GRM5: variants seen among roughly 807,000 people sequenced by gnomAD.
GRM5 encodes the protein glutamate metabotropic receptor 5.
In GRM5, 19 loss-of-function variants were observed where a neutral mutation model predicts 83.1. That is an observed-to-expected ratio of 0.23 (90% CI 0.16 to 0.34). The LOEUF is 0.34. GRM5 is among the 10% of genes least tolerant of loss of function. The pLI is 1.00. For missense variants in GRM5, 1,160 were observed against 1,588.3 expected, an observed-to-expected ratio of 0.73 and a Z score of 4.58; for synonymous variants, 675 against 633.6, an observed-to-expected ratio of 1.07 and a Z score of -0.98.
intron 2 of GRM5, among the ~76,000 whole-genome samples, chr11:88,887,327 G>A (rs1398185594): frequency 3.3e-5 from 5 of 152,134 alleles, no homozygotes; most frequent in Non-Finnish European, 5.9e-5. Flanking sequence ...AAGGGAAAAC[G>A]CTTTAGTACA....
At chr11:88,547,943 C>A (rs1942421160) in intron 8 of GRM5, among the ~76,000 whole-genome samples, 1 of 152,064 alleles carries the variant, frequency 6.6e-6, no homozygotes, top group Admixed American at 6.6e-5. Flanking sequence ...TATCTCTATG[C>A]CTACCAACTA....
At chr11:88,988,378 G>A (rs1255298788) in intron 2 of GRM5, among the ~76,000 whole-genome samples, 6 of 151,260 alleles carry the variant, frequency 4.0e-5, no homozygotes, top group East Asian at 3.9e-4. Flanking sequence ...CCAAATCTAC[G>A]TCTGATTGGT....
At chr11:88,843,203 C>T (rs1455243330) in intron 3 of GRM5, among the ~76,000 whole-genome samples, 2 of 152,150 alleles carry the variant, frequency 1.3e-5, no homozygotes, top group African/African-American at 4.8e-5. Context: ...TTAATTCTCA[C>T]AATATTTCAA....
intron 2 of GRM5, among the ~76,000 whole-genome samples, chr11:88,898,573 G>A (rs1363410889): frequency 6.6e-6 from 1 of 151,916 alleles, no homozygotes; most frequent in Admixed American, 6.6e-5. Flanking sequence ...AGCAGCTGCT[G>A]TATCACAGGT....
chr11:88,524,304 G>A (rs561656883), intron 9 of GRM5, among the ~76,000 whole-genome samples: 46 of 141,880 alleles, frequency 3.2e-4, no homozygotes, highest in Admixed American at 2.6e-3. Context: ...TGCAACCTCT[G>A]CCTCCTGGGT....
At chr11:88,830,556 C>G (rs1943971080) in intron 3 of GRM5, among the ~76,000 whole-genome samples, 1 of 152,106 alleles carries the variant, frequency 6.6e-6, no homozygotes. Context: ...TGCCAGGAGC[C>G]AGGAGAGACT....
At chr11:89,056,697 A>G (rs1045533125) in intron 1 of GRM5, among the ~76,000 whole-genome samples, 10 of 152,100 alleles carry the variant, frequency 6.6e-5, no homozygotes, top group Non-Finnish European at 1.0e-4. Context: ...TGTAATGATA[A>G]AAAAGCTTTT....
chr11:88,524,414 C>G (rs753271762), intron 9 of GRM5, among the ~76,000 whole-genome samples: 7 of 151,976 alleles, frequency 4.6e-5, no homozygotes, highest in Non-Finnish European at 1.0e-4. Context: ...GACGGGGTTT[C>G]ACCACATTGG....
At chr11:88,915,572 T>C (rs1017024102) in intron 2 of GRM5, among the ~76,000 whole-genome samples, 1 of 62,316 alleles carries the variant, frequency 1.6e-5, no homozygotes, top group African/African-American at 3.1e-5. Context: ...TATTCTCTCA[T>C]TATCTAATCA....
chr11:88,723,707 C>A (rs1371643402), intron 3 of GRM5, among the ~76,000 whole-genome samples: 1 of 151,966 alleles, frequency 6.6e-6, no homozygotes, highest in Non-Finnish European at 1.5e-5. Flanking sequence ...GCAGTGTCAA[C>A]CTTTGTGTAC....
intron 2 of GRM5, among the ~76,000 whole-genome samples, chr11:88,932,953 T>C (rs1347319431): frequency 6.6e-6 from 1 of 151,936 alleles, no homozygotes; most frequent in African/African-American, 2.4e-5. Flanking sequence ...TTGACCCACA[T>C]ATCTCTAAAT....
intron 2 of GRM5, among the ~76,000 whole-genome samples, chr11:89,013,415 A>G (rs543722075): frequency 2.0e-5 from 3 of 152,278 alleles, no homozygotes; most frequent in African/African-American, 7.2e-5. Flanking sequence ...GTACTACTTC[A>G]TTCTCCATGT....
chr11:88,658,882 T>C (rs1019785768), intron 3 of GRM5, among the ~76,000 whole-genome samples: 6 of 152,262 alleles, frequency 3.9e-5, no homozygotes, highest in Admixed American at 2.6e-4. Flanking sequence ...ATCCTAAAGA[T>C]TTCCAACTTT....
intron 8 of GRM5, among the ~76,000 whole-genome samples, 170 bp from the exon 9 acceptor site, chr11:88,525,574 G>A (rs1941853484): frequency 6.6e-6 from 1 of 152,142 alleles, no homozygotes; most frequent in African/African-American, 2.4e-5. Flanking sequence ...GAATGTGATG[G>A]CATATGGACA....
intron 2 of GRM5, among the ~76,000 whole-genome samples, chr11:88,935,461 G>C (rs970728625): frequency 6.6e-6 from 1 of 151,872 alleles, no homozygotes; most frequent in African/African-American, 2.4e-5. Flanking sequence ...TGCTAAAAAG[G>C]GGCAGAGAAG....
At chr11:88,856,281 A>G (rs1565263514) in intron 2 of GRM5, among the ~76,000 whole-genome samples, 1 of 152,102 alleles carries the variant, frequency 6.6e-6, no homozygotes, top group East Asian at 1.9e-4. Context: ...GCTTTTTACT[A>G]TTTAATGTTG....
intron 2 of GRM5, among the ~76,000 whole-genome samples, chr11:89,013,517 CA>C (rs1187970185): frequency 6.6e-6 from 1 of 152,150 alleles, no homozygotes; most frequent in East Asian, 1.9e-4. Context: ...GTCAACAATA[CA>C]AATTCAGGCG....
intron 9 of GRM5, among the ~76,000 whole-genome samples, chr11:88,515,253 T>G (rs1258515116): frequency 1.3e-5 from 2 of 152,186 alleles, no homozygotes; most frequent in African/African-American, 4.8e-5. Flanking sequence ...AGATATTTCC[T>G]TCTCAAATCA....
chr11:88,776,197 G>C (rs1445253591), intron 3 of GRM5, among the ~76,000 whole-genome samples: 1 of 152,012 alleles, frequency 6.6e-6, no homozygotes. Context: ...TTATGTAATG[G>C]CCTTCTTTGT....
Sources: allele counts gnomAD v4.1 joint callset (sites outside exome capture counted in the v4.1 genomes callset), GRCh38; gene constraint gnomAD v4.1.1; transcripts MANE v1.5; gene names NCBI Gene and HGNC (gene_info 2026-07-23, HGNC 2026-07-21).